The following DLGAP2 variants were observed in gnomAD, a reference collection of about 807,000 sequenced individuals.
DLGAP2 encodes the protein disks large-associated protein 2.
A neutral mutation model predicts 100.3 loss-of-function variants in DLGAP2; 26 were observed. The ratio of observed to expected loss-of-function variants is 0.26; its 90% confidence interval spans 0.19 to 0.36. The LOEUF is 0.36. Among genes scored for constraint, DLGAP2 ranks in the 10% least tolerant of loss-of-function variants. DLGAP2 has a pLI of 1.00. For missense variants in DLGAP2, 1,858 were observed against 1,453.2 expected (o/e 1.28, Z -4.53); for synonymous variants, 886 against 630.1 (o/e 1.41, Z -6.08).
chr8:1,544,636 T>C (rs541290224), intron 4 of DLGAP2, among the ~76,000 whole-genome samples: 2 of 152,344 alleles, frequency 1.3e-5, no homozygotes, highest in Admixed American at 6.5e-5. Context: ...GATTTTCCTA[T>C]GTTGAACCAC....
intron 6 of DLGAP2, among the ~76,000 whole-genome samples, chr8:1,596,449 C>A (rs768612674): frequency 1.3e-5 from 2 of 152,216 alleles, no homozygotes; most frequent in Admixed American, 6.5e-5. Context: ...AATCACCACA[C>A]GGTCTTCCAG....
intron 3 of DLGAP2, among the ~76,000 whole-genome samples, chr8:1,388,303 T>G (rs34207851): frequency 0.013 from 500 of 37,378 alleles, 3 homozygotes; most frequent in Middle Eastern, 0.045. Flanking sequence ...GAGAGGCAGA[T>G]GCCGTGGATG....
intron 7 of DLGAP2, among the ~76,000 whole-genome samples, chr8:1,629,279 T>C (rs1797586136): frequency 6.6e-6 from 1 of 152,224 alleles, no homozygotes; most frequent in Non-Finnish European, 1.5e-5. Flanking sequence ...CGGTTACTTC[T>C]TTCCTTCCAG....
At chr8:1,183,200 C>T (rs1374136836) in intron 2 of DLGAP2, among the ~76,000 whole-genome samples, 2 of 151,924 alleles carry the variant, frequency 1.3e-5, no homozygotes, top group African/African-American at 4.8e-5. Context: ...GCCGAGAGGG[C>T]GTCTCGGAGC....
In DLGAP2 at chr8:1,694,505, C is replaced by T. The variant is rs531593593; in HGVS notation, c.2797-2642C>T. ...GTCGGGATGTGCAGGTGGCTTGTGA[C>T]ACAACCAGAAGGCACATAATACCGG... On this transcript the variant is annotated intron_variant, in intron 13 of 14. Transcript: ENST00000637795. Among the ~76,000 whole-genome samples, 11 of 152,316 alleles carry T rather than the reference C, an allele frequency of 7.2e-5. 1 individual carries two copies. Among genetic ancestry groups the T allele is most frequent in the Non-Finnish European group, 1.5e-5 (1 of 68,032 alleles).
At chr8:1,019,901 CTG>C (rs374316335) in intron 2 of DLGAP2, among the ~76,000 whole-genome samples, 3 of 151,794 alleles carry the variant, frequency 2.0e-5, no homozygotes, top group Admixed American at 6.6e-5. Flanking sequence ...CCGGGATGGC[CTG>C]TGTGTGTGTG....
At chr8:1,102,539 T>C (rs1804619176) in intron 2 of DLGAP2, among the ~76,000 whole-genome samples, 1 of 152,046 alleles carries the variant, frequency 6.6e-6, no homozygotes, top group Admixed American at 6.6e-5. Flanking sequence ...TTTGATATTA[T>C]ATATTTATAC....
chr8:1,020,907 T>C (rs1007173179), intron 2 of DLGAP2, among the ~76,000 whole-genome samples: 2 of 152,218 alleles, frequency 1.3e-5, no homozygotes, highest in African/African-American at 4.8e-5. Flanking sequence ...TCATCCCCCA[T>C]TCATACAAAT....
chr8:1,203,103 G>A (rs926131749), intron 2 of DLGAP2, among the ~76,000 whole-genome samples: 1 of 146,240 alleles, frequency 6.8e-6, no homozygotes, highest in Admixed American at 7.0e-5. Context: ...TTTCTCTTAG[G>A]GTTTTTGTTT....
At chr8:1,252,485 C>T (rs1799068563) in intron 2 of DLGAP2, among the ~76,000 whole-genome samples, 1 of 152,272 alleles carries the variant, frequency 6.6e-6, no homozygotes, top group Middle Eastern at 3.4e-3. Flanking sequence ...TGTCCTGGGT[C>T]ACAGTGTCAC....
At chr8:1,507,078 C>A (rs1799946255) in intron 4 of DLGAP2, among the ~76,000 whole-genome samples, 1 of 152,270 alleles carries the variant, frequency 6.6e-6, no homozygotes, top group South Asian at 2.1e-4. Context: ...CAAGTCCCCA[C>A]CGGACTCAGG....
chr8:1,685,479 T>G (rs562925120), intron 12 of DLGAP2, among the ~76,000 whole-genome samples: 279 of 152,354 alleles, frequency 1.8e-3, no homozygotes, highest in Admixed American at 4.0e-3. Context: ...TCATAGACTG[T>G]GTCCATTTTG....
intron 2 of DLGAP2, among the ~76,000 whole-genome samples, chr8:963,983 C>G (rs931390102): frequency 6.6e-6 from 1 of 152,078 alleles, no homozygotes; most frequent in Non-Finnish European, 1.5e-5. Context: ...TCAACTTAGT[C>G]GACCCAAATG....
chr8:1,476,619 C>G (rs76673536), intron 3 of DLGAP2, among the ~76,000 whole-genome samples: 4,549 of 152,276 alleles, frequency 0.03, 252 homozygotes, highest in African/African-American at 0.1. Flanking sequence ...AAGCCAGTCT[C>G]TCCCCCTCTC....
intron 3 of DLGAP2, among the ~76,000 whole-genome samples, chr8:1,451,826 C>T (rs1329421013): frequency 6.6e-6 from 1 of 152,206 alleles, no homozygotes; most frequent in African/African-American, 2.4e-5. Flanking sequence ...AGGTAGCTGG[C>T]CCACATTCGC....
intron 5 of DLGAP2, chr8:1,565,452 G>T: frequency 2.3e-6 from 1 of 438,046 alleles, no homozygotes; most frequent in Non-Finnish European, 4.0e-6. Flanking sequence ...TTTCTCACAT[G>T]TTCTCACTTT....
At chr8:1,214,652 G>T (rs1798176118) in intron 2 of DLGAP2, among the ~76,000 whole-genome samples, 1 of 152,148 alleles carries the variant, frequency 6.6e-6, no homozygotes, top group Non-Finnish European at 1.5e-5. Flanking sequence ...TTTTCAGTTA[G>T]GCTCTGAGGT....
intron 1 of DLGAP2, among the ~76,000 whole-genome samples, chr8:826,416 A>C (rs146815839): frequency 6.6e-6 from 1 of 151,914 alleles, no homozygotes; most frequent in East Asian, 1.9e-4. Context: ...CCTTCCTTTC[A>C]TTCACTTTGG....
intron 2 of DLGAP2, among the ~76,000 whole-genome samples, chr8:1,089,936 C>T (rs1200738024): frequency 3.3e-5 from 5 of 152,286 alleles, no homozygotes; most frequent in East Asian, 1.9e-4. Context: ...GGATGAAGTC[C>T]GTGACTTTAC....
Sources: allele counts gnomAD v4.1 joint callset (sites outside exome capture counted in the v4.1 genomes callset), GRCh38; gene constraint gnomAD v4.1.1; transcripts MANE v1.5; gene names NCBI Gene and HGNC (gene_info 2026-07-23, HGNC 2026-07-21).